The following PELP1 variants were observed in gnomAD, a reference collection of about 807,000 sequenced individuals.
The protein encoded by PELP1 is proline, glutamate and leucine rich protein 1.
A neutral mutation model predicts 95.5 loss-of-function variants in PELP1; 32 were observed. That is an observed-to-expected ratio of 0.34 (90% CI 0.25 to 0.45). The LOEUF (loss-of-function observed/expected upper bound fraction) is 0.45, where lower values mean the gene tolerates loss of function less well. PELP1 is among the 20% of genes least tolerant of loss of function. The pLI, the probability that PELP1 is intolerant of heterozygous loss-of-function variation, is 1.00. For synonymous variants in PELP1, 668 were observed against 600.1 expected, an observed-to-expected ratio of 1.11 and a Z score of -1.65; for missense variants, 1,358 against 1,444.8, an observed-to-expected ratio of 0.94 and a Z score of 0.97.
chr17:4,673,588 C>A lies in PELP1; in HGVS notation c.1638+31G>T. ...TGTGTACAGAGCAGGGGCCCCTTCC[C>A]CTATCTCCACGGAGACGAGGCTCCA... is the stretch of plus-strand genomic sequence containing the variant. On this transcript the variant is annotated intron_variant, in intron 14 of 16. Coordinates refer to ENST00000572293, the MANE Select transcript of PELP1 (RefSeq NM_014389.3). The surrounding 1 kb of genome is among the most constrained non-coding windows in gnomAD (Gnocchi z 5.7). 6.2e-7 allele frequency: 1 copy of A among 1,610,014 alleles called. No individual in the cohort carries two copies. Among genetic ancestry groups the A allele is most frequent in the South Asian group, 1.1e-5 (1 of 91,008 alleles).
At chr17:4,703,045 T>C (rs1458417260) in intron 1 of PELP1, among the ~76,000 whole-genome samples, 2 of 152,168 alleles carry the variant, frequency 1.3e-5, no homozygotes, top group Non-Finnish European at 2.9e-5. Context: ...TAGAATTACT[T>C]GAGTGTCTAG....
At chr17:4,686,567 G>GA (rs911709201) in intron 3 of PELP1, among the ~76,000 whole-genome samples, 79 of 152,114 alleles carry the variant, frequency 5.2e-4, no homozygotes, top group African/African-American at 1.8e-3. Context: ...ACCCAGGCTG[G>GA]AGTGCAGTGG....
At chr17:4,684,484 C>T (rs1214481855) in intron 3 of PELP1, among the ~76,000 whole-genome samples, 2 of 152,190 alleles carry the variant, frequency 1.3e-5, no homozygotes, top group African/African-American at 4.8e-5. Flanking sequence ...ATTTCATCTT[C>T]ATCCTACCCA....
rs746705112 is a variant in PELP1 at position 4,675,263 on chromosome 17, A to G, written c.1157+11T>C. 1 of 1,587,056 alleles carries G rather than the reference A, an allele frequency of 6.3e-7. No homozygotes were observed. The highest frequency in any genetic ancestry group is 8.6e-7 in the Non-Finnish European group (1 of 1,166,992). On this transcript the variant is annotated intron_variant, in intron 10 of 16. Transcript: ENST00000572293. This position sits in a 1 kb window ranked among gnomAD's most constrained non-coding sequence, Gnocchi z 4.3. The stretch of plus-strand genomic sequence containing the variant: ...CTATCCCTTCACCACAGCCAGCCCA[A>G]TCCCACTCACGCGAGGATGAGTGCA...
At chr17:4,692,454 G>C (rs4790220) in intron 1 of PELP1, among the ~76,000 whole-genome samples, 1 of 151,306 alleles carries the variant, frequency 6.6e-6, no homozygotes, top group African/African-American at 2.4e-5. Context: ...GCAACAGAGC[G>C]AGACTCTGTC....
At chr17:4,682,690 C>A in intron 4 of PELP1, 113 bp downstream of exon 4, 1 of 1,447,090 alleles carries the variant, frequency 6.9e-7, no homozygotes, top group South Asian at 1.3e-5. Context: ...TGGCCCCTCC[C>A]TCTTCTCACT....
Position 4,675,865 on chromosome 17 carries a change from C to G in PELP1, c.1000G>C (p.Val334Leu). Residue 334 changes from valine (V) to leucine (L), a missense_variant, in exon 9 of 17, where the codon GTG becomes CTG. Val to Leu is a conservative substitution (Grantham distance 32). This residue lies in a region of PELP1 where 538 missense variants were observed against 628.1 expected (regional missense o/e 0.86). Transcript: ENST00000572293. This position sits in a 1 kb window ranked among gnomAD's most constrained non-coding sequence, Gnocchi z 4.3. ...LMLSSEFGAP[V>L]SVPVQEILDF... ...AGGATTTCCTGCACAGGGACGGACACGGGAGCTCCAAACTCAGAGCTAAAG... is the reference window on the plus strand; with the variant it reads ...AGGATTTCCTGCACAGGGACGGACAGGGGAGCTCCAAACTCAGAGCTAAAG... 1 of 1,591,940 alleles carries G rather than the reference C, an allele frequency of 6.3e-7. No homozygotes were observed. Among genetic ancestry groups the G allele is most frequent in the Non-Finnish European group, 8.6e-7 (1 of 1,169,214 alleles).
intron 3 of PELP1, among the ~76,000 whole-genome samples, chr17:4,685,818 T>C (rs1761672435): frequency 9.2e-6 from 1 of 108,896 alleles, no homozygotes; most frequent in South Asian, 2.8e-4. Flanking sequence ...AAAAAAGGGC[T>C]GGGCTTGGTA....
chr17:4,671,316 T>G lies in PELP1; in HGVS notation c.*123A>C. ...CATCTGGGGAATACTATGGACACCCTGAAAAGCCCAGCAGACACTTGAGCT... is the reference window on the plus strand; with the variant it reads ...CATCTGGGGAATACTATGGACACCCGGAAAAGCCCAGCAGACACTTGAGCT... On this transcript the variant is annotated 3_prime_UTR_variant, in exon 17 of 17. Coordinates refer to ENST00000572293, the MANE Select transcript of PELP1 (RefSeq NM_014389.3). 1 of 671,694 alleles carries G rather than the reference T, an allele frequency of 1.5e-6. No individual in the cohort carries two copies. The highest frequency in any genetic ancestry group is 1.8e-5 in the African/African-American group (1 of 55,868). 41.6% of individuals were successfully genotyped at this position (671,694 alleles called of 1,614,324 possible).
At position 4,675,544 on chromosome 17, in the gene PELP1, A is replaced by C. The variant is rs1171635527; in HGVS notation, c.1069-182T>G. On this transcript the variant is annotated intron_variant, in intron 9 of 16. Transcript: ENST00000572293. The surrounding 1 kb of genome is among the most constrained non-coding windows in gnomAD (Gnocchi z 4.3). Reference sequence around the variant, plus strand: ...AATAGACCCTGGATGGAAGGTAAGAAGGATGGCTGGGCCTCTCAGCAATGA... The same window carrying C: ...AATAGACCCTGGATGGAAGGTAAGACGGATGGCTGGGCCTCTCAGCAATGA... 1 of 709,628 alleles carries C rather than the reference A, an allele frequency of 1.4e-6. No homozygotes were observed. The highest frequency in any genetic ancestry group is 2.0e-5 in the Admixed American group (1 of 49,966). The allele number at this position is 709,628 out of a possible 1,614,324, so 44.0% of individuals were successfully genotyped here.
chr17:4,699,182 G>A (rs891471983), intron 1 of PELP1, among the ~76,000 whole-genome samples: 6 of 152,052 alleles, frequency 3.9e-5, no homozygotes, highest in East Asian at 1.9e-4. Context: ...GATTGAGACC[G>A]TCCTGGCTAA....
intron 13 of PELP1, among the ~76,000 whole-genome samples, chr17:4,674,295 C>A (rs1173848497): frequency 1.3e-5 from 2 of 152,264 alleles, no homozygotes; most frequent in African/African-American, 2.4e-5. Context: ...CTCCTCCTGG[C>A]CTCTCTGCGG....
intron 7 of PELP1, 59 bp downstream of exon 7, chr17:4,676,298 G>A (rs1912473102): frequency 3.1e-6 from 5 of 1,588,202 alleles, no homozygotes; most frequent in Admixed American, 1.7e-5. Context: ...CTCCCCTCCT[G>A]TTCCTTCCTG....
chr17:4,675,793 T>G lies in PELP1; in HGVS notation c.1068+4A>C. Reference sequence around the variant, plus strand: ...GCTCTGAAGAGATGACAAATCCCACTTACAATATTCTTGCTACTGACGCTG... The same window carrying G: ...GCTCTGAAGAGATGACAAATCCCACGTACAATATTCTTGCTACTGACGCTG... On this transcript the variant is annotated splice_donor_region_variant and intron_variant, in intron 9 of 16. Coordinates refer to ENST00000572293, the MANE Select transcript of PELP1 (RefSeq NM_014389.3). This position sits in a 1 kb window ranked among gnomAD's most constrained non-coding sequence, Gnocchi z 4.3. 6.4e-7 allele frequency: 1 copy of G among 1,563,042 alleles called. No individual in the cohort carries two copies. The highest frequency in any genetic ancestry group is 8.7e-7 in the Non-Finnish European group (1 of 1,151,304).
At chr17:4,697,894 G>GA (rs912810192) in intron 1 of PELP1, among the ~76,000 whole-genome samples, 155 of 142,294 alleles carry the variant, frequency 1.1e-3, no homozygotes, top group Admixed American at 2.0e-3. Flanking sequence ...ACTACAAATG[G>GA]AAAAAAAAAA....
intron 1 of PELP1, among the ~76,000 whole-genome samples, chr17:4,703,477 C>T (rs954877443): frequency 6.6e-6 from 1 of 152,124 alleles, no homozygotes; most frequent in Non-Finnish European, 1.5e-5. Context: ...AGTATCTGAC[C>T]CTCAATAAGA....
rs760001532 is a variant in PELP1 at position 4,691,394 on chromosome 17, T to A, written c.298A>T (p.Ser100Cys). ...ALVSLSNARL[S>C]SIKTRFEGLC... is the part of the protein sequence containing the mutation. ...AAGACTTACCGAGTTTTGATGGAACTGAGACGTGCATTACTGAGACTCACC... is the reference window on the plus strand; with the variant it reads ...AAGACTTACCGAGTTTTGATGGAACAGAGACGTGCATTACTGAGACTCACC... Residue 100 changes from serine to cysteine, a missense_variant, in exon 2 of 17, where the codon AGT (serine) becomes TGT (cysteine). By Grantham distance (112) the Ser-to-Cys change is moderately radical (BLOSUM62 -1). Transcript: ENST00000572293. The A allele has an allele frequency of 6.2e-7, 1 of 1,613,490 alleles. No homozygotes were observed. Among genetic ancestry groups the A allele is most frequent in the East Asian group, 2.2e-5 (1 of 44,872 alleles).
At chr17:4,683,550 A>G (rs1441228013) in intron 3 of PELP1, among the ~76,000 whole-genome samples, 2 of 10,206 alleles carry the variant, frequency 2.0e-4, no homozygotes, top group African/African-American at 2.8e-4. Flanking sequence ...TTTTTTTTTG[A>G]GACAGAGTCT....
chr17:4,677,685 T>A (rs1318623476), intron 5 of PELP1, among the ~76,000 whole-genome samples: 2 of 152,122 alleles, frequency 1.3e-5, no homozygotes, highest in East Asian at 3.9e-4. Flanking sequence ...TCCAGGCACT[T>A]TGGGAGGTCA....
Sources: allele counts gnomAD v4.1 joint callset (sites outside exome capture counted in the v4.1 genomes callset), GRCh38; gene constraint gnomAD v4.1.1; regional missense constraint gnomAD v4.1.1; non-coding constraint Gnocchi (gnomAD v3.1); transcripts MANE v1.5; gene names NCBI Gene and HGNC (gene_info 2026-07-23, HGNC 2026-07-21).